MRTFB: variants seen among roughly 807,000 people sequenced by gnomAD.
MRTFB encodes myocardin related transcription factor B, also known as myocardin-related transcription factor B.
A neutral mutation model predicts 104.2 loss-of-function variants in MRTFB; 29 were observed. The observed-to-expected ratio is 0.28, with a 90% CI of 0.21 to 0.38. MRTFB has a LOEUF of 0.38. MRTFB is among the 10% of genes least tolerant of loss of function. The pLI is 1.00. For missense variants in MRTFB, 1,270 were observed against 1,341.6 expected, an observed-to-expected ratio of 0.95 and a Z score of 0.83; for synonymous variants, 535 against 519.5, an observed-to-expected ratio of 1.03 and a Z score of -0.41.
the MRTFB span, among the ~76,000 whole-genome samples, chr16:13,995,907 TG>T: frequency 6.6e-6 from 1 of 152,090 alleles, no homozygotes; most frequent in Non-Finnish European, 1.5e-5. Flanking sequence ...GAGATTTGGG[TG>T]GGGACACACA....
the MRTFB span, among the ~76,000 whole-genome samples, chr16:14,023,281 T>C: frequency 2.0e-5 from 3 of 151,736 alleles, no homozygotes; most frequent in Non-Finnish European, 2.9e-5. Context: ...CTACAAAAAA[T>C]AAAAATAAAA....
At chr16:14,077,408 T>C (rs2034127827) in intron 1 of MRTFB, among the ~76,000 whole-genome samples, 1 of 152,208 alleles carries the variant, frequency 6.6e-6, no homozygotes, top group South Asian at 2.1e-4. Context: ...TTGGGGTACA[T>C]CTCTGCACTT....
the MRTFB span, among the ~76,000 whole-genome samples, chr16:14,040,912 G>A: frequency 7.9e-5 from 12 of 152,196 alleles, no homozygotes; most frequent in Non-Finnish European, 1.6e-4. Flanking sequence ...CCAGGAGTTC[G>A]AGACCAGCCT....
At position 14,246,610 on chromosome 16, in the gene MRTFB, A is replaced by G; in HGVS notation, c.1350A>G (p.Ser450=). The stretch of plus-strand genomic sequence containing the variant: ...CTGCTGGGGGCATCGTGGCAGTGTC[A>G]TCATCAGCCATTGTCACCAGTAACC... ...GLAAGGIVAV[S]SSAIVTSNPE... Residue 450 remains serine, a synonymous_variant, in exon 12 of 17, where the codon TCA becomes TCG. Transcript: ENST00000571589. 1.2e-6 allele frequency: 2 copies of G among 1,614,126 alleles called. No individual in the cohort carries two copies. The highest frequency in any genetic ancestry group is 2.2e-5 in the South Asian group (2 of 91,084).
chr16:14,051,502 C>T, the MRTFB span, among the ~76,000 whole-genome samples: 1 of 151,884 alleles, frequency 6.6e-6, no homozygotes, highest in African/African-American at 2.4e-5. Flanking sequence ...CAATCAAAGA[C>T]ATAGATACAC....
At chr16:14,178,673 T>C (rs2039666466) in intron 3 of MRTFB, among the ~76,000 whole-genome samples, 1 of 152,204 alleles carries the variant, frequency 6.6e-6, no homozygotes. Flanking sequence ...TTGAGTAATA[T>C]ACAGACCTTT....
intron 3 of MRTFB, among the ~76,000 whole-genome samples, chr16:14,154,667 C>G (rs1175676186): frequency 6.6e-6 from 1 of 152,186 alleles, no homozygotes; most frequent in Non-Finnish European, 1.5e-5. Context: ...GCCTCAGAGT[C>G]TCTCAGGAGT....
chr16:14,260,134 G>T (rs1216114600), intron 16 of MRTFB, among the ~76,000 whole-genome samples: 6 of 152,182 alleles, frequency 3.9e-5, no homozygotes, highest in African/African-American at 1.4e-4. Context: ...AACACATAAT[G>T]AAGACATTTA....
the MRTFB span, among the ~76,000 whole-genome samples, chr16:14,002,327 G>A: frequency 2.9e-4 from 44 of 151,938 alleles, no homozygotes; most frequent in Admixed American, 2.3e-3. Flanking sequence ...AGGTTGCAGT[G>A]AGCCGAGATG....
upstream of MRTFB, chr16:14,071,216 G>A (rs1054289494): frequency 6.5e-6 from 1 of 153,314 alleles, no homozygotes; most frequent in Non-Finnish European, 1.5e-5. Context: ...TGACCCTTGA[G>A]GCGGGGTGGG....
the MRTFB span, among the ~76,000 whole-genome samples, chr16:14,028,206 CAACAA>C: frequency 6.6e-6 from 1 of 151,196 alleles, no homozygotes; most frequent in African/African-American, 2.4e-5. Context: ...AAACACAACA[CAACAA>C]AACAAAACAA....
intron 15 of MRTFB, among the ~76,000 whole-genome samples, chr16:14,256,305 C>G (rs2043492755): frequency 6.6e-6 from 1 of 151,464 alleles, no homozygotes; most frequent in Admixed American, 6.6e-5. Context: ...CTAAACAATT[C>G]AATTAAAATG....
At chr16:14,144,981 C>CATAT (rs71373011) in intron 3 of MRTFB, among the ~76,000 whole-genome samples, 3 of 104,372 alleles carry the variant, frequency 2.9e-5, no homozygotes, top group Non-Finnish European at 4.9e-5. Flanking sequence ...TATATACATA[C>CATAT]ATATATATAT....
At chr16:14,023,961 G>A in the MRTFB span, among the ~76,000 whole-genome samples, 1 of 151,882 alleles carries the variant, frequency 6.6e-6, no homozygotes, top group East Asian at 1.9e-4. Context: ...TGAGGCAGGA[G>A]AGTCACTTGA....
intron 2 of MRTFB, among the ~76,000 whole-genome samples, chr16:14,132,089 C>A (rs1475728802): frequency 6.6e-6 from 1 of 152,088 alleles, no homozygotes; most frequent in African/African-American, 2.4e-5. Context: ...AAATATTACT[C>A]AACCATAAAA....
chr16:14,204,638 A>T (rs1277305036), intron 3 of MRTFB, among the ~76,000 whole-genome samples: 1 of 152,226 alleles, frequency 6.6e-6, no homozygotes, highest in Non-Finnish European at 1.5e-5. Context: ...TTTCAAAATT[A>T]TACACCCTTT....
At chr16:14,255,080 T>C (rs2043421905) in intron 15 of MRTFB, among the ~76,000 whole-genome samples, 3 of 152,228 alleles carry the variant, frequency 2.0e-5, no homozygotes, top group African/African-American at 7.2e-5. Flanking sequence ...AAAAATGTCA[T>C]GAACCTGAAG....
At chr16:14,065,614 G>C in the MRTFB span, among the ~76,000 whole-genome samples, 1 of 152,096 alleles carries the variant, frequency 6.6e-6, no homozygotes, top group East Asian at 1.9e-4. Context: ...TGGTGTGATG[G>C]TGCACCTGTA....
At chr16:14,036,474 A>G in the MRTFB span, among the ~76,000 whole-genome samples, 2 of 147,876 alleles carry the variant, frequency 1.4e-5, no homozygotes, top group Middle Eastern at 3.6e-3. Flanking sequence ...ATGTTGAAAT[A>G]TATATATTCC....
Sources: allele counts gnomAD v4.1 joint callset (sites outside exome capture counted in the v4.1 genomes callset), GRCh38; gene constraint gnomAD v4.1.1; transcripts MANE v1.5; gene names NCBI Gene and HGNC (gene_info 2026-07-23, HGNC 2026-07-21).